INPP4B: variants seen among roughly 807,000 people sequenced by gnomAD.
INPP4B encodes the protein inositol polyphosphate 4-phosphatase type II.
In INPP4B, 55 loss-of-function variants were observed where a neutral mutation model predicts 122.5. The observed-to-expected ratio is 0.45, with a 90% confidence interval of 0.36 to 0.56. The LOEUF is 0.56. Ranked by LOEUF, INPP4B falls within the 20% of genes least tolerant of loss-of-function variation. The pLI, the probability that INPP4B is intolerant of heterozygous loss-of-function variation, is 0.00. For missense variants in INPP4B, 1,000 were observed against 1,097.7 expected (o/e 0.91, Z 1.26); for synonymous variants, 403 against 388.7 (o/e 1.04, Z -0.43).
chr4:142,796,896 GTGTGTGTGTGTGTGTGTGTC>G (rs1397768239), intron 1 of INPP4B, among the ~76,000 whole-genome samples: 22 of 150,632 alleles, frequency 1.5e-4, no homozygotes, highest in South Asian at 1.1e-3. Flanking sequence ...GTGTGTGTGT[GTGTGTGTGTGTGTGTGTGTC>G]TGTGTGTAAT....
intron 2 of INPP4B, among the ~76,000 whole-genome samples, chr4:142,691,594 A>AT (rs1760189372): frequency 6.6e-6 from 1 of 152,048 alleles, no homozygotes; most frequent in Non-Finnish European, 1.5e-5. Context: ...AAAAACACAA[A>AT]CTCAGAATCC....
At chr4:142,524,544 A>AT (rs1180258262) in intron 2 of INPP4B, among the ~76,000 whole-genome samples, 1 of 151,724 alleles carries the variant, frequency 6.6e-6, no homozygotes, top group Non-Finnish European at 1.5e-5. Context: ...TTCATTGTAG[A>AT]TTCTGGATAT....
intron 14 of INPP4B, among the ~76,000 whole-genome samples, chr4:142,199,642 A>G (rs137909142): frequency 6.6e-6 from 1 of 152,036 alleles, no homozygotes; most frequent in African/African-American, 2.4e-5. Flanking sequence ...GATCTATAAC[A>G]GTTCCTCAGT....
chr4:142,478,445 T>G (rs150808890), intron 2 of INPP4B, among the ~76,000 whole-genome samples: 62 of 152,298 alleles, frequency 4.1e-4, no homozygotes, highest in African/African-American at 1.5e-3. Flanking sequence ...TATTTTATTA[T>G]TTTTAGGTAT....
intron 2 of INPP4B, among the ~76,000 whole-genome samples, chr4:142,485,040 G>C (rs561130875): frequency 6.6e-6 from 1 of 152,194 alleles, no homozygotes; most frequent in Non-Finnish European, 1.5e-5. Flanking sequence ...GAGAATCCCT[G>C]TTCTGCATGG....
chr4:142,547,731 T>C (rs1220240860), intron 2 of INPP4B, among the ~76,000 whole-genome samples: 1 of 152,194 alleles, frequency 6.6e-6, no homozygotes, highest in Non-Finnish European at 1.5e-5. Flanking sequence ...GAAAATGTCA[T>C]CTCTAATAAT....
At chr4:142,288,602 A>G (rs755967814) in intron 9 of INPP4B, among the ~76,000 whole-genome samples, 1 of 152,098 alleles carries the variant, frequency 6.6e-6, no homozygotes. Flanking sequence ...AAAAAAGAAA[A>G]GGCTGATTAC....
Position 142,294,795 on chromosome 4 carries a change from A to G in INPP4B, c.503+10663T>C, listed in dbSNP as rs1579631770. Among the ~76,000 whole-genome samples, 7 of 133,578 alleles carry G rather than the reference A, an allele frequency of 5.2e-5. No individual in the cohort carries two copies. The South Asian group carries it at 1.9e-3, about 36-fold the overall frequency. 87.6% of individuals were successfully genotyped at this position (133,578 alleles called of 152,430 possible). ...AGCAGACTTGAGATCGTGCCACTGCACTCCAGCCCGGGCGACAGAGCGAGA... is the reference window on the plus strand; with the variant it reads ...AGCAGACTTGAGATCGTGCCACTGCGCTCCAGCCCGGGCGACAGAGCGAGA... On this transcript the variant is annotated intron_variant, in intron 9 of 25. Transcript: ENST00000262992.
At chr4:142,425,651 C>A (rs961371228) in intron 5 of INPP4B, among the ~76,000 whole-genome samples, 1 of 151,934 alleles carries the variant, frequency 6.6e-6, no homozygotes. Context: ...GCATAAGCAC[C>A]TAGAGGTCTT....
At chr4:142,637,447 G>T (rs999811856) in intron 2 of INPP4B, among the ~76,000 whole-genome samples, 1 of 152,030 alleles carries the variant, frequency 6.6e-6, no homozygotes, top group African/African-American at 2.4e-5. Context: ...AAACCATAAC[G>T]TTTGTAGCCC....
At chr4:142,385,675 T>C (rs984985385) in intron 7 of INPP4B, among the ~76,000 whole-genome samples, 1 of 152,188 alleles carries the variant, frequency 6.6e-6, no homozygotes, top group South Asian at 2.1e-4. Context: ...CTGTTTGCCT[T>C]CATAAAATAA....
chr4:142,120,635 A>G (rs1267940548), intron 21 of INPP4B, among the ~76,000 whole-genome samples: 3 of 152,034 alleles, frequency 2.0e-5, no homozygotes, highest in Admixed American at 2.0e-4. Context: ...GGACTGTGCT[A>G]TTTCCTACTC....
At chr4:142,078,556 G>A (rs1398047453) in intron 25 of INPP4B, among the ~76,000 whole-genome samples, 3 of 151,896 alleles carry the variant, frequency 2.0e-5, no homozygotes, top group South Asian at 2.1e-4. Context: ...AAAGAGAAAC[G>A]AAAATCTCTA....
intron 1 of INPP4B, among the ~76,000 whole-genome samples, chr4:142,788,896 G>A (rs1776139068): frequency 6.6e-6 from 1 of 151,894 alleles, no homozygotes; most frequent in Non-Finnish European, 1.5e-5. Context: ...TGATCAAGTG[G>A]GTTTTATGCC....
intron 11 of INPP4B, among the ~76,000 whole-genome samples, chr4:142,240,775 A>G (rs1858968524): frequency 6.6e-6 from 1 of 152,172 alleles, no homozygotes; most frequent in African/African-American, 2.4e-5. Flanking sequence ...AAAATACAGT[A>G]TAACAGAGTA....
chr4:142,693,064 G>A (rs1760463661), intron 2 of INPP4B, among the ~76,000 whole-genome samples: 1 of 150,870 alleles, frequency 6.6e-6, no homozygotes, highest in Admixed American at 6.6e-5. Flanking sequence ...CTTTTTGGTA[G>A]TAACTGCTAT....
chr4:142,245,989 C>CACACAT (rs1252625416), intron 11 of INPP4B, among the ~76,000 whole-genome samples: 2 of 128,482 alleles, frequency 1.6e-5, no homozygotes, highest in African/African-American at 6.3e-5. Context: ...TGTATGTATA[C>CACACAT]ATATATATGT....
intron 1 of INPP4B, among the ~76,000 whole-genome samples, chr4:142,820,912 G>A (rs551447174): frequency 1.9e-3 from 290 of 152,178 alleles, no homozygotes; most frequent in Non-Finnish European, 3.4e-3. Context: ...AGCTTAGTCC[G>A]AGTCCTTTTA....
At chr4:142,453,594 T>C (rs544038985) in intron 3 of INPP4B, among the ~76,000 whole-genome samples, 4 of 152,276 alleles carry the variant, frequency 2.6e-5, no homozygotes, top group African/African-American at 7.2e-5. Context: ...GAGAAGTTCA[T>C]AGAGTGCCTG....
Sources: gnomAD v4.1 joint callset for allele counts (sites outside exome capture counted in the v4.1 genomes callset) on GRCh38, gnomAD v4.1.1 for gene constraint, MANE v1.5 for transcripts, NCBI Gene and HGNC (gene_info 2026-07-23, HGNC 2026-07-21) for gene names.